The following GSTO1 variants were observed in gnomAD, a reference collection of about 807,000 sequenced individuals.
GSTO1 encodes glutathione S-transferase omega 1.
A neutral mutation model predicts 23.8 loss-of-function variants in GSTO1; 27 were observed. The ratio of observed to expected loss-of-function variants is 1.13; its 90% CI spans 0.83 to 1.56. GSTO1 has a LOEUF of 1.56. Ranked by LOEUF, GSTO1 falls within the 40% of genes most tolerant of loss-of-function variation. The pLI is 0.00. For synonymous variants in GSTO1, 105 were observed against 109.3 expected, an observed-to-expected ratio of 0.96 and a Z score of 0.25; for missense variants, 255 against 285.8, an observed-to-expected ratio of 0.89 and a Z score of 0.78.
chr10:104,262,549 T>C (rs1237799306), intron 3 of GSTO1, among the ~76,000 whole-genome samples: 1 of 152,110 alleles, frequency 6.6e-6, no homozygotes, highest in East Asian at 1.9e-4. Flanking sequence ...CCATCTCTAC[T>C]AAAAATACAA....
chr10:104,265,609 T>C (rs945508225), intron 4 of GSTO1, among the ~76,000 whole-genome samples: 2 of 152,230 alleles, frequency 1.3e-5, no homozygotes, highest in Admixed American at 6.5e-5. Context: ...ATTTTGTTCA[T>C]TGTAGGCATT....
upstream of GSTO1, chr10:104,254,850 A>C: frequency 1.5e-6 from 2 of 1,366,938 alleles, no homozygotes; most frequent in Non-Finnish European, 2.1e-6. Context: ...GGGGGAGGGA[A>C]GGAGGGCGGG....
upstream of GSTO1, chr10:104,254,845 AGGGAAGGAGGGC>A: frequency 7.6e-7 from 1 of 1,313,222 alleles, no homozygotes; most frequent in Non-Finnish European, 1.1e-6. Context: ...GAAGCGGGGG[AGGGAAGGAGGGC>A]GGGAAGGACG....
intron 2 of GSTO1, 73 bp downstream of exon 2, chr10:104,255,344 C>T (rs890056850): frequency 2.1e-6 from 2 of 942,906 alleles, no homozygotes; most frequent in African/African-American, 1.6e-5. Context: ...GGGGTGGGGT[C>T]TCAGCCCCCT....
At chr10:104,265,109 T>C (rs11191979) in intron 4 of GSTO1, among the ~76,000 whole-genome samples, 35,700 of 152,226 alleles carry the variant, frequency 0.23, 4,900 homozygotes, top group Middle Eastern at 0.35. Flanking sequence ...CTGTGCATTT[T>C]ATATTGAAAA....
intron 5 of GSTO1, 103 bp downstream of exon 5, chr10:104,266,293 C>T: frequency 1.5e-6 from 1 of 662,358 alleles, no homozygotes; most frequent in Non-Finnish European, 2.7e-6. Flanking sequence ...TACAACTGGT[C>T]TGAATGAGAA....
Position 104,267,425 on chromosome 10 carries a change from T to A in GSTO1, c.*20T>A, listed in dbSNP as rs760250479. The A allele has an allele frequency of 1.9e-6, 3 of 1,561,618 alleles. No individual in the cohort carries two copies. Among genetic ancestry groups the A allele is most frequent in the Admixed American group, 2.0e-5 (1 of 49,256 alleles). ...CTCTGAAGGGGGCAGGAGTCAGCAA[T>A]AAAGCTATGTCTGATATTTTCCTTC... On this transcript the variant is annotated 3_prime_UTR_variant, in exon 6 of 6. Coordinates refer to ENST00000369713, the MANE Select transcript of GSTO1 (RefSeq NM_004832.3).
intron 2 of GSTO1, among the ~76,000 whole-genome samples, chr10:104,257,879 C>T (rs1328331624): frequency 6.6e-6 from 1 of 152,028 alleles, no homozygotes; most frequent in African/African-American, 2.4e-5. Context: ...TGAAATATTT[C>T]AAAACAAAAA....
intron 2 of GSTO1, among the ~76,000 whole-genome samples, chr10:104,256,574 G>A (rs1006646960): frequency 4.6e-5 from 7 of 152,158 alleles, no homozygotes; most frequent in African/African-American, 1.4e-4. Flanking sequence ...AAACAACAAA[G>A]GTCTACTACA....
intron 3 of GSTO1, among the ~76,000 whole-genome samples, chr10:104,261,879 G>A (rs1028335148): frequency 3.3e-5 from 5 of 152,260 alleles, no homozygotes; most frequent in South Asian, 2.1e-4. Context: ...ACACCATCAC[G>A]AGCATTAAAG....
chr10:104,257,342 AT>A (rs111298496), intron 2 of GSTO1, among the ~76,000 whole-genome samples: 3,955 of 139,060 alleles, frequency 0.028, 71 homozygotes, highest in Middle Eastern at 0.056. Flanking sequence ...TTGTGGGTGG[AT>A]TTTTTTTTTT....
chr10:104,255,253 T>C lies in GSTO1; in HGVS notation c.125T>C (p.Leu42Pro). ...CPFAERTRLV[L>P]KAKGIRHEVI... ...TTTGCTGAGAGGACGCGTCTAGTCC[T>C]GAAGGCCAAGGGAATCAGGTGGGCA... is the stretch of plus-strand genomic sequence containing the variant. The change falls in exon 2 of 6, where the codon CTG becomes CCG. Residue 42 changes from leucine to proline, a missense_variant. Leu to Pro is a moderately conservative substitution (Grantham distance 98). Coordinates refer to ENST00000369713, the MANE Select transcript of GSTO1 (RefSeq NM_004832.3). 1 of 1,611,368 alleles carries C rather than the reference T, an allele frequency of 6.2e-7. No homozygotes were observed. The highest frequency in any genetic ancestry group is 8.5e-7 in the Non-Finnish European group (1 of 1,177,544).
intron 3 of GSTO1, among the ~76,000 whole-genome samples, chr10:104,262,252 TG>T (rs1429567368): frequency 6.6e-6 from 1 of 152,210 alleles, no homozygotes; most frequent in Admixed American, 6.5e-5. Context: ...CTCTACTTTC[TG>T]GCAGCCTCAC....
chr10:104,266,312 CAG>C, intron 5 of GSTO1, 122 bp downstream of exon 5: 3 of 597,270 alleles, frequency 5.0e-6, no homozygotes, highest in South Asian at 3.8e-5. Flanking sequence ...AACAAGCAGA[CAG>C]GGGAATCTTG....
At chr10:104,260,058 C>A (rs1008722567) in intron 3 of GSTO1, among the ~76,000 whole-genome samples, 1 of 152,220 alleles carries the variant, frequency 6.6e-6, no homozygotes, top group Admixed American at 6.5e-5. Context: ...GCCCCTTTCT[C>A]TTTCAATTCT....
chr10:104,255,990 C>G (rs1056589695), intron 2 of GSTO1, among the ~76,000 whole-genome samples: 48 of 152,300 alleles, frequency 3.2e-4, no homozygotes. Context: ...TTATTAGATA[C>G]CTTTGGTGTG....
At chr10:104,255,972 T>G (rs2091601291) in intron 2 of GSTO1, among the ~76,000 whole-genome samples, 2 of 152,356 alleles carry the variant, frequency 1.3e-5, no homozygotes, top group Middle Eastern at 3.4e-3. Flanking sequence ...TGTCTGTTGA[T>G]TAGACATTTA....
rs202232206 is a variant in GSTO1 at position 104,256,076 on chromosome 10, C to G, written c.143+805C>G. ...TGTCTGTGTGCTTAGTGTTTGTGAA[C>G]TAATTTTAGTCTTCTAAGGGGATAA... On this transcript the variant is annotated intron_variant, in intron 2 of 5. Coordinates refer to ENST00000369713, the MANE Select transcript of GSTO1 (RefSeq NM_004832.3). Among the ~76,000 whole-genome samples, 23 of 152,220 alleles carry G rather than the reference C, an allele frequency of 1.5e-4. No homozygotes were observed. The East Asian group carries it at 4.2e-3, about 28-fold the overall frequency.
intron 2 of GSTO1, among the ~76,000 whole-genome samples, chr10:104,258,528 C>T (rs2011111947): frequency 6.6e-6 from 1 of 152,190 alleles, no homozygotes; most frequent in Non-Finnish European, 1.5e-5. Flanking sequence ...CATAAGGAAT[C>T]TCTACAACTC....
Sources: gnomAD v4.1 joint callset for allele counts (sites outside exome capture counted in the v4.1 genomes callset) on GRCh38, gnomAD v4.1.1 for gene constraint, MANE v1.5 for transcripts, NCBI Gene and HGNC (gene_info 2026-07-23, HGNC 2026-07-21) for gene names.